The following LRRC23 variants were observed in gnomAD, a reference collection of about 807,000 sequenced individuals.
The protein encoded by LRRC23 is leucine-rich repeat-containing protein 23.
In LRRC23, 28 loss-of-function variants were observed where a neutral mutation model predicts 37.7. That is an observed-to-expected ratio of 0.74 (90% CI 0.55 to 1.02). The LOEUF (loss-of-function observed/expected upper bound fraction) is 1.02. Ranked by LOEUF, LRRC23 falls within the 50% of genes least tolerant of loss-of-function variation. The pLI is 0.00. For synonymous variants in LRRC23, 161 were observed against 165.4 expected (o/e 0.97, Z 0.20); for missense variants, 377 against 413.2 (o/e 0.91, Z 0.76).
At chr12:6,913,713 T>C in intron 7 of LRRC23, 178 bp from the exon 8 acceptor site, 1 of 430,838 alleles carries the variant, frequency 2.3e-6, no homozygotes. Flanking sequence ...TACAGGCGCA[T>C]GCAACCGCGC....
chr12:6,908,823 CAA>C (rs34675493), intron 5 of LRRC23, among the ~76,000 whole-genome samples: 7 of 119,070 alleles, frequency 5.9e-5, no homozygotes, highest in Admixed American at 9.8e-5. Context: ...GACTCTGTTT[CAA>C]AAAAAAAAAA....
intron 5 of LRRC23, among the ~76,000 whole-genome samples, chr12:6,908,814 A>T (rs1284681403): frequency 8.7e-6 from 1 of 115,092 alleles, no homozygotes; most frequent in Non-Finnish European, 1.6e-5. Flanking sequence ...ACAGAGCTAG[A>T]CTCTGTTTCA....
In LRRC23 at chr12:6,905,521, G is replaced by A. The variant is rs974843732; in HGVS notation, c.-49-64G>A. On this transcript the variant is annotated intron_variant, in intron 1 of 7. Coordinates refer to ENST00000443597, the MANE Select transcript of LRRC23 (RefSeq NM_001135217.2). Reference sequence around the variant, plus strand: ...AGAAGTCATGGGGGTGATGGGAGTGGCACGTGTCAATGACGATGAAGGAGC... The same window carrying A: ...AGAAGTCATGGGGGTGATGGGAGTGACACGTGTCAATGACGATGAAGGAGC... 21 of 1,001,246 alleles carry A rather than the reference G, an allele frequency of 2.1e-5. No individual in the cohort carries two copies. In the South Asian group the frequency reaches 2.8e-4, roughly 13 times the overall value. The allele number at this position is 1,001,246 out of a possible 1,614,324, so 62.0% of individuals were successfully genotyped here.
At chr12:6,913,314 TCG>T (rs1363714297) in intron 7 of LRRC23, 4 of 392,662 alleles carry the variant, frequency 1.0e-5, no homozygotes, top group African/African-American at 8.2e-5. Context: ...CAGAGTGAAG[TCG>T]GCTAGGAAAG....
intron 5 of LRRC23, 48 bp from the exon 6 acceptor site, chr12:6,909,842 C>T: frequency 6.4e-7 from 1 of 1,558,266 alleles, no homozygotes; most frequent in Non-Finnish European, 8.7e-7. Context: ...CTCTTTCTTC[C>T]CTATCCCTGC....
intron 5 of LRRC23, among the ~76,000 whole-genome samples, chr12:6,909,148 AT>A (rs1565553569): frequency 2.1e-4 from 1 of 4,686 alleles, no homozygotes; most frequent in African/African-American, 3.3e-3. Context: ...TATATTATAT[AT>A]TATATATTAT....
chr12:6,913,177 G>A, intron 7 of LRRC23, 150 bp downstream of exon 7: 2 of 784,570 alleles, frequency 2.5e-6, no homozygotes. Context: ...AGGAGTCAGG[G>A]AGAGGAAAAG....
At chr12:6,908,354 T>C (rs1944999222) in intron 5 of LRRC23, among the ~76,000 whole-genome samples, 1 of 151,888 alleles carries the variant, frequency 6.6e-6, no homozygotes, top group Non-Finnish European at 1.5e-5. Flanking sequence ...CCCAGCACTT[T>C]GGGAGGCTGA....
intron 7 of LRRC23, chr12:6,913,344 G>T: frequency 3.1e-6 from 1 of 320,796 alleles, no homozygotes; most frequent in East Asian, 6.5e-5. Flanking sequence ...GTGGGTGCAT[G>T]GTAGGGGCTG....
chr12:6,912,854 C>G lies in LRRC23; in HGVS notation c.883C>G (p.Gln295Glu). ...ETSYRQEALV[Q>E]MPYLERLDKE... ...CAGCTACCGCCAGGAGGCCCTGGTG[C>G]AGATGCCATACCTTGAACGCCTGGA... Residue 295 changes from glutamine to glutamate, a missense_variant, in exon 7 of 8, where the codon CAG becomes GAG. Around this residue, in one of 3 missense-constraint regions of LRRC23, gnomAD observed 266 missense variants for 285.6 expected, o/e 0.93. Coordinates refer to ENST00000443597, the MANE Select transcript of LRRC23 (RefSeq NM_001135217.2). 6.2e-7 allele frequency: 1 copy of G among 1,614,158 alleles called. No homozygotes were observed.
chr12:6,913,618 G>T (rs1945242440), intron 7 of LRRC23: 1 of 145,048 alleles, frequency 6.9e-6, no homozygotes, highest in Non-Finnish European at 1.4e-5. Flanking sequence ...AGGCTGGAGT[G>T]CAGTGGCACA....
chr12:6,905,762 G>C lies in LRRC23; in HGVS notation c.126+3G>C. ...AGGGGGAAGAGTTCCCTGAGGAAGT[G>C]AGAGCCTGGACAAGGAGGGGTCCTA... On this transcript the variant is annotated splice_donor_region_variant and intron_variant, in intron 2 of 7. Coordinates refer to ENST00000443597, the MANE Select transcript of LRRC23 (RefSeq NM_001135217.2). 1 of 1,612,620 alleles carries C rather than the reference G, an allele frequency of 6.2e-7. No individual in the cohort carries two copies. The highest frequency in any genetic ancestry group is 8.5e-7 in the Non-Finnish European group (1 of 1,179,146).
At chr12:6,906,839 A>G in intron 4 of LRRC23, 177 bp downstream of exon 4, 1 of 697,234 alleles carries the variant, frequency 1.4e-6, no homozygotes, top group East Asian at 2.7e-5. Flanking sequence ...ATCCAATAAG[A>G]CAAGGAACGT....
intron 4 of LRRC23, among the ~76,000 whole-genome samples, 192 bp from the exon 5 acceptor site, chr12:6,907,123 G>A (rs1944967899): frequency 6.6e-6 from 1 of 152,168 alleles, no homozygotes; most frequent in Non-Finnish European, 1.5e-5. Context: ...AGGTGGATAT[G>A]TCCATCAGGA....
rs1266045615 is a variant in LRRC23, at chr12:6,913,358, G to A, written c.*24+331G>A. On this transcript the variant is annotated intron_variant, in intron 7 of 7. Transcript: ENST00000443597. ...TGTGGGTGCATGGTAGGGGCTGCAG[G>A]GGAAAGTTGGTGGTGTATGCAGCTG... 6 of 288,916 alleles carry A rather than the reference G, an allele frequency of 2.1e-5. No individual in the cohort carries two copies. The Admixed American group carries it at 2.9e-4, about 14-fold the overall frequency. The allele number at this position is 288,916 out of a possible 1,614,324, so 17.9% of individuals were successfully genotyped here.
At position 6,908,772 on chromosome 12, in the gene LRRC23, C is replaced by T. The variant is rs782450627; in HGVS notation, c.622-1118C>T. On this transcript the variant is annotated intron_variant, in intron 5 of 7. Transcript: ENST00000443597. ...CCAGGAGGCGGGGCTTGCAGTGAGC[C>T]GAGATTGCGCCACTGCACTCCAGCC... is the stretch of plus-strand genomic sequence containing the variant. Among the ~76,000 whole-genome samples the T allele has an allele frequency of 3.3e-3, 475 of 144,658 alleles. 1 individual carries two copies. The highest frequency in any genetic ancestry group is 0.011 in the African/African-American group (437 of 38,736). The allele number at this position is 144,658 out of a possible 152,430, so 94.9% of individuals were successfully genotyped here.
intron 4 of LRRC23, 147 bp from the exon 5 acceptor site, chr12:6,907,168 C>T: frequency 1.1e-6 from 1 of 892,882 alleles, no homozygotes; most frequent in Non-Finnish European, 1.8e-6. Context: ...TGCCTCAGGG[C>T]TCCAGAGGTA....
In LRRC23 at chr12:6,912,885, A is replaced by T; in HGVS notation, c.914A>T (p.Glu305Val). ...CCATACCTTGAACGCCTGGACAAGG[A>T]ATTCTATGAGGAGGAGGAACGGGCT... ...QMPYLERLDK[E>V]FYEEEERAEA... The change falls in exon 7 of 8, where the codon GAA becomes GTA. Residue 305 changes from glutamate to valine, a missense_variant. Physicochemically the swap from Glu to Val is moderately radical, Grantham distance 121. Transcript: ENST00000443597. 1 of 1,614,140 alleles carries T rather than the reference A, an allele frequency of 6.2e-7. No individual in the cohort carries two copies. Among genetic ancestry groups the T allele is most frequent in the African/African-American group, 1.3e-5 (1 of 75,034 alleles).
intron 7 of LRRC23, 45 bp from the exon 8 acceptor site, chr12:6,913,841 GGGTGA>G: frequency 2.1e-6 from 3 of 1,406,656 alleles, no homozygotes; most frequent in Non-Finnish European, 2.9e-6. Context: ...GGGATTACAG[GGGTGA>G]GCCACAGCGC....
Sources: gnomAD v4.1 joint callset for allele counts (sites outside exome capture counted in the v4.1 genomes callset) on GRCh38, gnomAD v4.1.1 for gene constraint, gnomAD v4.1.1 regional missense constraint, MANE v1.5 for transcripts, NCBI Gene and HGNC (gene_info 2026-07-23, HGNC 2026-07-21) for gene names.